Variants in MAML2 observed in about 807,000 individuals in gnomAD.
MAML2 encodes mastermind like transcriptional coactivator 2.
MAML2 carries 22 observed loss-of-function variants against 96.1 expected under a neutral mutation model. That is an observed-to-expected ratio of 0.23 (90% CI 0.16 to 0.33). The LOEUF (loss-of-function observed/expected upper bound fraction) is 0.33. Ranked by LOEUF, MAML2 falls within the 10% of genes least tolerant of loss-of-function variation. The pLI, the probability that MAML2 is intolerant of heterozygous loss-of-function variation, is 1.00. For missense variants in MAML2, 1,367 were observed against 1,392.4 expected, an observed-to-expected ratio of 0.98 and a Z score of 0.29; for synonymous variants, 561 against 521.3, an observed-to-expected ratio of 1.08 and a Z score of -1.04.
rs555445697 is a variant in MAML2, at chr11:96,133,469, A to G, written c.514-39952T>C. ...TTCATGCATGGGAGTGGTAGCCCGT[A>G]TACAGTCATTACACACCTGGATTAT... On this transcript the variant is annotated intron_variant, in intron 1 of 4. Coordinates refer to ENST00000524717, the MANE Select transcript of MAML2 (RefSeq NM_032427.4). Among the ~76,000 whole-genome samples, 3 of 152,304 alleles carry G rather than the reference A, an allele frequency of 2.0e-5. No individual in the cohort carries two copies. The East Asian group carries it at 5.8e-4, about 29-fold the overall frequency.
chr11:96,009,152 T>C (rs1022079755), intron 2 of MAML2, among the ~76,000 whole-genome samples: 17 of 152,200 alleles, frequency 1.1e-4, no homozygotes, highest in Non-Finnish European at 2.5e-4. Flanking sequence ...ATAGGTCATA[T>C]GGAAGGAAGA....
intron 1 of MAML2, among the ~76,000 whole-genome samples, chr11:96,122,497 GGTGT>G (rs67940033): frequency 0.12 from 16,602 of 135,570 alleles, 967 homozygotes; most frequent in Middle Eastern, 0.22. Flanking sequence ...TTTTAGGCTG[GGTGT>G]GTGTGTGTGT....
At chr11:96,187,257 C>T (rs1288126651) in intron 1 of MAML2, among the ~76,000 whole-genome samples, 1 of 152,166 alleles carries the variant, frequency 6.6e-6, no homozygotes, top group Non-Finnish European at 1.5e-5. Flanking sequence ...TTAATAAAAG[C>T]CACTGTTATT....
chr11:96,126,319 A>G (rs1439615898), intron 1 of MAML2, among the ~76,000 whole-genome samples: 1 of 152,224 alleles, frequency 6.6e-6, no homozygotes, highest in Non-Finnish European at 1.5e-5. Context: ...GCACTTTGGA[A>G]GGCTGAGGCG....
intron 1 of MAML2, among the ~76,000 whole-genome samples, chr11:96,299,060 A>AATATATATATATATATATATATATAT (rs1555037073): frequency 5.9e-4 from 33 of 56,288 alleles, no homozygotes; most frequent in African/African-American, 2.1e-3. Context: ...AAAAAAAAAA[A>AATATATATATATATATATATATATAT]ATATATATAT....
In MAML2 at chr11:95,977,757, G is replaced by T. The variant is rs1857669809; in HGVS notation, c.*1191C>A. The T allele has an allele frequency of 4.5e-6, 1 of 223,944 alleles. No individual in the cohort carries two copies. The highest frequency in any genetic ancestry group is 8.9e-6 in the Non-Finnish European group (1 of 112,208). 13.9% of individuals were successfully genotyped at this position (223,944 alleles called of 1,614,324 possible). Reference sequence around the variant, plus strand: ...TGTGGCAATGATTCATCACATCAGGGACAAAAGAACAAACAGAATGCTCCT... The same window carrying T: ...TGTGGCAATGATTCATCACATCAGGTACAAAAGAACAAACAGAATGCTCCT... On this transcript the variant is annotated 3_prime_UTR_variant, in exon 5 of 5. Transcript: ENST00000524717.
intron 2 of MAML2, among the ~76,000 whole-genome samples, chr11:96,084,105 T>C (rs1859569910): frequency 6.6e-6 from 1 of 152,096 alleles, no homozygotes; most frequent in Non-Finnish European, 1.5e-5. Flanking sequence ...ACATTTATTA[T>C]GAAGGTTGCT....
At chr11:96,195,584 G>A (rs1219986875) in intron 1 of MAML2, among the ~76,000 whole-genome samples, 2 of 152,164 alleles carry the variant, frequency 1.3e-5, no homozygotes, top group Admixed American at 6.5e-5. Flanking sequence ...TCTCTGCTAC[G>A]AAACATACAG....
intron 2 of MAML2, among the ~76,000 whole-genome samples, chr11:96,075,370 T>A (rs755400947): frequency 1.3e-5 from 2 of 152,230 alleles, no homozygotes. Context: ...ACCTTCCTTT[T>A]GTTCTCCTTT....
At position 96,099,131 on chromosome 11, in the gene MAML2, C is replaced by T. The variant is rs932780743; in HGVS notation, c.514-5614G>A. On this transcript the variant is annotated intron_variant, in intron 1 of 4. Transcript: ENST00000524717. ...AACACAAGAACCAAATCTGCCACTGCCTACATACTCAAGGGAATATCTTGG... is the reference window on the plus strand; with the variant it reads ...AACACAAGAACCAAATCTGCCACTGTCTACATACTCAAGGGAATATCTTGG... 4.6e-5 allele frequency among the ~76,000 whole-genome samples: 7 copies of T among 152,114 alleles called. No homozygotes were observed. The East Asian group carries it at 1.3e-3, about 29-fold the overall frequency.
At chr11:96,071,231 G>A (rs938884928) in intron 2 of MAML2, among the ~76,000 whole-genome samples, 1 of 152,278 alleles carries the variant, frequency 6.6e-6, no homozygotes, top group Non-Finnish European at 1.5e-5. Context: ...GTAGAGTCTG[G>A]TATAAACAGG....
intron 1 of MAML2, among the ~76,000 whole-genome samples, chr11:96,179,558 T>G (rs1033446250): frequency 1.3e-5 from 2 of 152,158 alleles, no homozygotes; most frequent in Admixed American, 6.5e-5. Flanking sequence ...CTAATCAGCT[T>G]GGGACTCTGC....
chr11:96,281,432 T>A (rs1283849766), intron 1 of MAML2, among the ~76,000 whole-genome samples: 1 of 152,002 alleles, frequency 6.6e-6, no homozygotes, highest in Non-Finnish European at 1.5e-5. Context: ...CAAGCAGGAA[T>A]GGGGCTGCAA....
At chr11:96,274,323 C>T (rs909799760) in intron 1 of MAML2, among the ~76,000 whole-genome samples, 7 of 152,078 alleles carry the variant, frequency 4.6e-5, no homozygotes, top group African/African-American at 7.2e-5. Flanking sequence ...ACCTTGTGAT[C>T]GGCCCACCTC....
intron 1 of MAML2, among the ~76,000 whole-genome samples, chr11:96,149,549 T>C (rs1387769504): frequency 6.6e-6 from 1 of 151,780 alleles, no homozygotes; most frequent in East Asian, 1.9e-4. Flanking sequence ...CTGGCCCACA[T>C]GGTGAATCCC....
chr11:96,049,491 G>C (rs1287735365), intron 2 of MAML2, among the ~76,000 whole-genome samples: 2 of 152,098 alleles, frequency 1.3e-5, no homozygotes, highest in Non-Finnish European at 2.9e-5. Flanking sequence ...ATAATGCATA[G>C]TTTATAAAGC....
At chr11:96,227,797 T>C (rs928929533) in intron 1 of MAML2, among the ~76,000 whole-genome samples, 2 of 152,230 alleles carry the variant, frequency 1.3e-5, no homozygotes, top group Admixed American at 1.3e-4. Flanking sequence ...TCTGTCGCCA[T>C]CGAATGAAAT....
intron 1 of MAML2, among the ~76,000 whole-genome samples, chr11:96,210,471 T>C (rs537289027): frequency 1.5e-4 from 23 of 152,220 alleles, no homozygotes; most frequent in Non-Finnish European, 2.6e-4. Context: ...GATTTATCAG[T>C]TACTTACTAA....
chr11:96,147,251 C>T (rs915595418), intron 1 of MAML2, among the ~76,000 whole-genome samples: 3 of 152,188 alleles, frequency 2.0e-5, no homozygotes, highest in Admixed American at 2.0e-4. Context: ...CTCCCAGCTA[C>T]CCACAAATCC....
Sources: allele counts gnomAD v4.1 joint callset (sites outside exome capture counted in the v4.1 genomes callset), GRCh38; gene constraint gnomAD v4.1.1; transcripts MANE v1.5; gene names NCBI Gene and HGNC (gene_info 2026-07-23, HGNC 2026-07-21).